Variants in PCDHGB1 observed in about 807,000 individuals in gnomAD.
PCDHGB1 encodes protocadherin gamma-B1.
PCDHGB1 carries 34 observed loss-of-function variants against 56.6 expected under a neutral mutation model. The ratio of observed to expected loss-of-function variants is 0.60; its 90% CI spans 0.46 to 0.80. The LOEUF (loss-of-function observed/expected upper bound fraction) is 0.80. PCDHGB1 is among the 30% of genes least tolerant of loss of function. The pLI is 0.00. For missense variants in PCDHGB1, 1,278 were observed against 1,204.6 expected, an observed-to-expected ratio of 1.06 and a Z score of -0.90; for synonymous variants, 561 against 505.9, an observed-to-expected ratio of 1.11 and a Z score of -1.46.
intron 1 of PCDHGB1, among the ~76,000 whole-genome samples, chr5:141,463,783 C>T (rs1395035313): frequency 1.3e-5 from 2 of 152,138 alleles, no homozygotes; most frequent in African/African-American, 4.8e-5. Flanking sequence ...CCTGCACTGT[C>T]TTTTGAACAA....
intron 1 of PCDHGB1, chr5:141,421,694 C>G (rs2096592726): frequency 6.2e-7 from 1 of 1,613,936 alleles, no homozygotes. Flanking sequence ...TTTGCTCTTC[C>G]TAATGCTAGG....
intron 1 of PCDHGB1, chr5:141,419,715 T>C: frequency 6.2e-7 from 1 of 1,613,288 alleles, no homozygotes. Flanking sequence ...CTCTTCAGCC[T>C]GGGGCTGCGA....
At chr5:141,494,362 A>T (rs527454959) in intron 1 of PCDHGB1, among the ~76,000 whole-genome samples, 47 of 152,300 alleles carry the variant, frequency 3.1e-4, no homozygotes, top group Admixed American at 8.5e-4. Context: ...GCTGCAGAGG[A>T]TGCTTTGTTC....
At chr5:141,506,444 C>CAAA (rs1219684339) in intron 3 of PCDHGB1, among the ~76,000 whole-genome samples, 2 of 95,018 alleles carry the variant, frequency 2.1e-5, no homozygotes, top group African/African-American at 7.9e-5. Context: ...CGCTCTGTCT[C>CAAA]AAAAAAAAAA....
chr5:141,376,372 G>C (rs531227586), intron 1 of PCDHGB1: 2 of 1,614,182 alleles, frequency 1.2e-6, no homozygotes, highest in Admixed American at 1.7e-5. Context: ...CTGCAGACTC[G>C]CGTAAGAGTC....
rs1419819549 is a variant in PCDHGB1 at position 141,405,132 on chromosome 5, C to T, written c.2409+52463C>T. ...TGGCACTCCTCGCATCTGCTGCGGG[C>T]TACCAGTGATGGGTTGGCTGGTGTG... On this transcript the variant is annotated intron_variant, in intron 1 of 3. Transcript: ENST00000523390. 2 of 1,614,032 alleles carry T rather than the reference C, an allele frequency of 1.2e-6. No individual in the cohort carries two copies. Among genetic ancestry groups the T allele is most frequent in the East Asian group, 4.5e-5 (2 of 44,860 alleles).
intron 1 of PCDHGB1, chr5:141,418,428 A>G: frequency 6.2e-7 from 1 of 1,613,980 alleles, no homozygotes; most frequent in Non-Finnish European, 8.5e-7. Flanking sequence ...GATGGTGGCA[A>G]ATATCCAGAA....
In PCDHGB1 at chr5:141,432,845, G is replaced by A. The variant is rs1299464282; in HGVS notation, c.2410-61962G>A. The A allele has an allele frequency of 1.2e-6, 2 of 1,614,076 alleles. No individual in the cohort carries two copies. The highest frequency in any genetic ancestry group is 8.5e-7 in the Non-Finnish European group (1 of 1,180,024). ...AGACCTCACTCTGTACCTGGTGGTA[G>A]CGGTGGCCGCGGTCTCCTGCGTCTT... On this transcript the variant is annotated intron_variant, in intron 1 of 3. Coordinates refer to ENST00000523390, the MANE Select transcript of PCDHGB1 (RefSeq NM_018922.3). This position sits in a 1 kb window ranked among gnomAD's most constrained non-coding sequence, Gnocchi z 6.0.
chr5:141,358,113 C>A (rs1434059744), intron 1 of PCDHGB1, among the ~76,000 whole-genome samples: 1 of 152,208 alleles, frequency 6.6e-6, no homozygotes, highest in African/African-American at 2.4e-5. Flanking sequence ...TTGCTTGAAC[C>A]TGGGAGGCAG....
chr5:141,393,947 G>C, intron 1 of PCDHGB1: 1 of 1,613,972 alleles, frequency 6.2e-7, no homozygotes, highest in South Asian at 1.1e-5. Context: ...ACTCTGGAAA[G>C]AATGGTCAAG....
At chr5:141,374,687 C>A in intron 1 of PCDHGB1, 1 of 1,609,446 alleles carries the variant, frequency 6.2e-7, no homozygotes, top group Non-Finnish European at 8.5e-7. Flanking sequence ...CACACTGGAC[C>A]GGGAAGGAGA....
chr5:141,448,706 C>G (rs1344013319), intron 1 of PCDHGB1, among the ~76,000 whole-genome samples: 1 of 151,732 alleles, frequency 6.6e-6, no homozygotes, highest in African/African-American at 2.4e-5. Context: ...TTTGGGAGGC[C>G]GAGGCGGGAG....
At chr5:141,508,700 CCT>C in intron 3 of PCDHGB1, among the ~76,000 whole-genome samples, 1 of 152,158 alleles carries the variant, frequency 6.6e-6, no homozygotes, top group Non-Finnish European at 1.5e-5. Flanking sequence ...CCGTGTTCCT[CCT>C]CATTCTTTTC....
Position 141,493,360 on chromosome 5 carries a change from G to T in PCDHGB1, c.2410-1447G>T, listed in dbSNP as rs1364095483. Reference sequence around the variant, plus strand: ...CAGAATGTGTGCTTTTAATTTCTTGGCACTTGGAACTTTAAAAGCTTGAGG... The same window carrying T: ...CAGAATGTGTGCTTTTAATTTCTTGTCACTTGGAACTTTAAAAGCTTGAGG... On this transcript the variant is annotated intron_variant, in intron 1 of 3. Transcript: ENST00000523390. This position sits in a 1 kb window ranked among gnomAD's most constrained non-coding sequence, Gnocchi z 4.3. Among the ~76,000 whole-genome samples the T allele has an allele frequency of 6.6e-6, 1 of 152,144 alleles. No individual in the cohort carries two copies. The highest frequency in any genetic ancestry group is 1.5e-5 in the Non-Finnish European group (1 of 68,022).
chr5:141,393,724 C>T (rs959974182), intron 1 of PCDHGB1: 1 of 1,613,570 alleles, frequency 6.2e-7, no homozygotes, highest in Non-Finnish European at 8.5e-7. Context: ...ATATCAATAG[C>T]AAAAAGTCTA....
At chr5:141,392,945 C>A in intron 1 of PCDHGB1, 2 of 1,613,916 alleles carry the variant, frequency 1.2e-6, no homozygotes, top group Non-Finnish European at 1.7e-6. Flanking sequence ...AAGGCTCCTT[C>A]GTGGGTAATA....
chr5:141,410,579 G>A (rs760249748), intron 1 of PCDHGB1: 17 of 1,610,792 alleles, frequency 1.1e-5, no homozygotes, highest in Non-Finnish European at 1.4e-5. Context: ...TCCACCTCAT[G>A]GTGGGGAGGA....
chr5:141,388,160 G>A (rs766854792), intron 1 of PCDHGB1: 9 of 1,474,272 alleles, frequency 6.1e-6, no homozygotes, highest in Non-Finnish European at 8.4e-6. Context: ...GGCTAGACAG[G>A]GAGGAGATAT....
intron 1 of PCDHGB1, chr5:141,421,475 G>A (rs752558543): frequency 4.3e-6 from 7 of 1,614,150 alleles, no homozygotes. Flanking sequence ...CCGCGAAGCG[G>A]CAGCTTGATC....
Sources: gnomAD v4.1 joint callset for allele counts (sites outside exome capture counted in the v4.1 genomes callset) on GRCh38, gnomAD v4.1.1 for gene constraint, Gnocchi (gnomAD v3.1) non-coding constraint, MANE v1.5 for transcripts, NCBI Gene and HGNC (gene_info 2026-07-23, HGNC 2026-07-21) for gene names.